Variants in MACROD2 observed in about 807,000 individuals in gnomAD.
MACROD2 encodes ADP-ribose glycohydrolase MACROD2.
MACROD2 carries 36 observed loss-of-function variants against 70.4 expected under a neutral mutation model. The ratio of observed to expected loss-of-function variants is 0.51; its 90% CI spans 0.39 to 0.68. The LOEUF is 0.68. MACROD2 is among the 30% of genes least tolerant of loss of function. The probability of loss-of-function intolerance (pLI) is 0.00; values close to 1 mark genes in which losing one functional copy is unlikely to be tolerated. For synonymous variants in MACROD2, 172 were observed against 178.8 expected (o/e 0.96, Z 0.30); for missense variants, 496 against 538.4 (o/e 0.92, Z 0.78).
chr20:15,393,701 A>G (rs1025169736), intron 6 of MACROD2, among the ~76,000 whole-genome samples: 5 of 152,168 alleles, frequency 3.3e-5, no homozygotes, highest in Admixed American at 2.0e-4. Context: ...TTTCTATTAG[A>G]TACATAATAA....
At chr20:15,447,096 T>C (rs1359984389) in intron 7 of MACROD2, among the ~76,000 whole-genome samples, 2 of 143,522 alleles carry the variant, frequency 1.4e-5, no homozygotes, top group East Asian at 3.9e-4. Flanking sequence ...GTCTGTGTGT[T>C]GTATAGGAAG....
At chr20:14,342,892 C>A (rs533290420) in intron 3 of MACROD2, among the ~76,000 whole-genome samples, 3 of 152,126 alleles carry the variant, frequency 2.0e-5, no homozygotes, top group African/African-American at 7.2e-5. Flanking sequence ...TGCTTGCCCA[C>A]CCTCTGGTAC....
At chr20:15,396,053 CA>C (rs2045856177) in intron 6 of MACROD2, among the ~76,000 whole-genome samples, 1 of 152,198 alleles carries the variant, frequency 6.6e-6, no homozygotes, top group Non-Finnish European at 1.5e-5. Context: ...GTTCATCCTT[CA>C]GGAGTTCTTA....
At chr20:15,017,346 T>C (rs561359278) in intron 5 of MACROD2, among the ~76,000 whole-genome samples, 1 of 152,338 alleles carries the variant, frequency 6.6e-6, no homozygotes, top group South Asian at 2.1e-4. Flanking sequence ...ATCCAGGTAA[T>C]GCTGATGCAA....
intron 8 of MACROD2, among the ~76,000 whole-genome samples, chr20:15,756,988 A>T (rs1435012259): frequency 6.6e-6 from 1 of 152,162 alleles, no homozygotes; most frequent in African/African-American, 2.4e-5. Flanking sequence ...CCCTCAAATT[A>T]TTGGAGACAT....
chr20:15,041,103 A>G lies in MACROD2; in HGVS notation c.419-188837A>G, dbSNP rs141093625. Among the ~76,000 whole-genome samples, 28 of 152,272 alleles carry G rather than the reference A, an allele frequency of 1.8e-4. No homozygotes were observed. In the East Asian group the frequency reaches 4.6e-3, roughly 25 times the overall value. On this transcript the variant is annotated intron_variant, in intron 5 of 17. Transcript: ENST00000684519. ...TTATAAATTTGAGCTGTATTTACTCACTTCCATGAATTGTGCAGTTATGAA... is the reference window on the plus strand; with the variant it reads ...TTATAAATTTGAGCTGTATTTACTCGCTTCCATGAATTGTGCAGTTATGAA...
intron 12 of MACROD2, among the ~76,000 whole-genome samples, chr20:15,964,732 T>C (rs1224940157): frequency 6.6e-6 from 1 of 152,164 alleles, no homozygotes; most frequent in Non-Finnish European, 1.5e-5. Flanking sequence ...ATTGAAAACA[T>C]ACAGAATCAA....
chr20:14,920,374 A>G (rs2074146953), intron 5 of MACROD2, among the ~76,000 whole-genome samples: 3 of 152,168 alleles, frequency 2.0e-5, no homozygotes, highest in Non-Finnish European at 4.4e-5. Flanking sequence ...TCCCTGGTAA[A>G]TCTGATCTTA....
intron 7 of MACROD2, among the ~76,000 whole-genome samples, chr20:15,485,436 A>G (rs181400743): frequency 7.9e-5 from 12 of 152,236 alleles, no homozygotes; most frequent in African/African-American, 2.4e-4. Context: ...TTTTCCTGGC[A>G]CATTACAACT....
chr20:14,473,569 T>G, intron 3 of MACROD2, among the ~76,000 whole-genome samples: 1 of 151,754 alleles, frequency 6.6e-6, no homozygotes, highest in East Asian at 1.9e-4. Context: ...CTTAGGTTGA[T>G]TCTCTTTCTT....
At chr20:14,794,429 T>C (rs2072487437) in intron 5 of MACROD2, among the ~76,000 whole-genome samples, 1 of 152,126 alleles carries the variant, frequency 6.6e-6, no homozygotes, top group South Asian at 2.1e-4. Flanking sequence ...TAACTTGTCA[T>C]TCTTCTCCAG....
At chr20:15,667,833 T>G (rs2049922671) in intron 8 of MACROD2, among the ~76,000 whole-genome samples, 1 of 152,240 alleles carries the variant, frequency 6.6e-6, no homozygotes, top group African/African-American at 2.4e-5. Context: ...TACTATATTT[T>G]GAATTTTTCT....
chr20:15,553,335 AT>A (rs1325195254), intron 8 of MACROD2, among the ~76,000 whole-genome samples: 3 of 152,232 alleles, frequency 2.0e-5, no homozygotes, highest in African/African-American at 7.2e-5. Flanking sequence ...AGGAAGTCCC[AT>A]TACTGCAGGA....
chr20:14,190,438 G>A (rs2081375182), intron 3 of MACROD2, among the ~76,000 whole-genome samples: 1 of 151,578 alleles, frequency 6.6e-6, no homozygotes, highest in African/African-American at 2.4e-5. Context: ...GCTAACTTTT[G>A]ATTATCCATG....
intron 8 of MACROD2, among the ~76,000 whole-genome samples, chr20:15,517,338 C>T (rs57292062): frequency 0.024 from 3,645 of 152,284 alleles, 143 homozygotes; most frequent in African/African-American, 0.082. Context: ...TTATCTCACA[C>T]AGCACCTCTT....
chr20:15,869,647 C>G (rs112991794), intron 9 of MACROD2, among the ~76,000 whole-genome samples: 24 of 151,806 alleles, frequency 1.6e-4, no homozygotes, highest in African/African-American at 5.8e-4. Context: ...TAAACTTAAT[C>G]CATAGGAGTT....
intron 5 of MACROD2, chr20:14,758,057 A>G: frequency 1.6e-6 from 1 of 613,042 alleles, no homozygotes; most frequent in East Asian, 2.8e-5. Context: ...ACCTCAATAA[A>G]TTTGGAGAGG....
chr20:15,878,283 C>G (rs1431990904), intron 9 of MACROD2, among the ~76,000 whole-genome samples: 2 of 152,146 alleles, frequency 1.3e-5, no homozygotes, highest in African/African-American at 4.8e-5. Context: ...CAAGTTAGTT[C>G]AGTTGAAATA....
intron 5 of MACROD2, among the ~76,000 whole-genome samples, chr20:14,909,439 T>C (rs2073999424): frequency 6.6e-6 from 1 of 152,022 alleles, no homozygotes; most frequent in Non-Finnish European, 1.5e-5. Flanking sequence ...GTCGGGTAAA[T>C]TATTACCTGG....
Sources: gnomAD v4.1 joint callset for allele counts (sites outside exome capture counted in the v4.1 genomes callset) on GRCh38, gnomAD v4.1.1 for gene constraint, MANE v1.5 for transcripts, NCBI Gene and HGNC (gene_info 2026-07-23, HGNC 2026-07-21) for gene names.